The following FAM163A variants were observed in gnomAD, a reference collection of about 807,000 sequenced individuals.
The protein encoded by FAM163A is family with sequence similarity 163 member A.
A neutral mutation model predicts 12.0 loss-of-function variants in FAM163A; 7 were observed. The observed-to-expected ratio is 0.58, with a 90% CI of 0.33 to 1.10. FAM163A has a LOEUF of 1.10. Among genes scored for constraint, FAM163A ranks in the 50% least tolerant of loss-of-function variants. The probability of loss-of-function intolerance (pLI) is 0.03; values close to 1 mark genes in which losing one functional copy is unlikely to be tolerated. For missense variants in FAM163A, 202 were observed against 218.6 expected, an observed-to-expected ratio of 0.92 and a Z score of 0.48; for synonymous variants, 101 against 91.0, an observed-to-expected ratio of 1.11 and a Z score of -0.62.
intron 1 of FAM163A, among the ~76,000 whole-genome samples, chr1:179,785,010 C>A (rs1423852098): frequency 6.6e-6 from 1 of 152,128 alleles, no homozygotes; most frequent in African/African-American, 2.4e-5. Context: ...TGTGGGAGGA[C>A]AAATAAATAT....
the FAM163A span, among the ~76,000 whole-genome samples, chr1:179,732,880 C>CAAAA: frequency 0.19 from 7,502 of 39,118 alleles, 1,602 homozygotes; most frequent in South Asian, 0.28. Context: ...GACTCTGCCT[C>CAAAA]AAAAAAAAAA....
chr1:179,802,944 T>C (rs1231170901), intron 1 of FAM163A, among the ~76,000 whole-genome samples: 1 of 152,160 alleles, frequency 6.6e-6, no homozygotes, highest in African/African-American at 2.4e-5. Flanking sequence ...GAGAGACCCC[T>C]TCTCAAACAG....
At chr1:179,779,873 C>A (rs1211872715) in intron 1 of FAM163A, among the ~76,000 whole-genome samples, 1 of 152,204 alleles carries the variant, frequency 6.6e-6, no homozygotes, top group African/African-American at 2.4e-5. Flanking sequence ...CCTCAGTAAA[C>A]CAAGCCACAG....
intron 1 of FAM163A, among the ~76,000 whole-genome samples, chr1:179,781,304 A>G (rs1392884060): frequency 6.6e-6 from 1 of 152,180 alleles, no homozygotes; most frequent in African/African-American, 2.4e-5. Context: ...TGTGAATCTT[A>G]TATGAATTTT....
the FAM163A span, among the ~76,000 whole-genome samples, chr1:179,735,228 C>A: frequency 2.3e-4 from 35 of 152,092 alleles, no homozygotes; most frequent in Non-Finnish European, 2.9e-5. Flanking sequence ...TCCTGAAGGG[C>A]AAGCTAAAGA....
At chr1:179,749,689 C>T (rs1196737615) in intron 1 of FAM163A, among the ~76,000 whole-genome samples, 1 of 122,264 alleles carries the variant, frequency 8.2e-6, no homozygotes, top group Admixed American at 8.6e-5. Flanking sequence ...GAAACCCCAC[C>T]TCTACTAAAT....
At chr1:179,787,442 C>T (rs1021689131) in intron 1 of FAM163A, among the ~76,000 whole-genome samples, 1 of 152,206 alleles carries the variant, frequency 6.6e-6, no homozygotes, top group Non-Finnish European at 1.5e-5. Flanking sequence ...CGAAGGTTCC[C>T]TCGCGCACAG....
At chr1:179,758,616 C>T (rs1470979134) in intron 1 of FAM163A, among the ~76,000 whole-genome samples, 1 of 152,244 alleles carries the variant, frequency 6.6e-6, no homozygotes, top group Non-Finnish European at 1.5e-5. Flanking sequence ...CCATTTCCTT[C>T]TTCCACTCCC....
intron 1 of FAM163A, among the ~76,000 whole-genome samples, chr1:179,791,525 AG>A (rs34556564): frequency 0.025 from 3,745 of 152,246 alleles, 91 homozygotes; most frequent in East Asian, 0.079. Context: ...GAGGCTCCTA[AG>A]GGGTACAGTC....
chr1:179,802,562 CTG>C (rs1439818376), intron 1 of FAM163A, among the ~76,000 whole-genome samples: 1 of 152,158 alleles, frequency 6.6e-6, no homozygotes, highest in Non-Finnish European at 1.5e-5. Flanking sequence ...CACCTTATGG[CTG>C]TGTTAAGAAA....
the FAM163A span, among the ~76,000 whole-genome samples, chr1:179,737,707 C>T: frequency 1.9e-3 from 296 of 152,018 alleles, 2 homozygotes; most frequent in Non-Finnish European, 3.4e-3. Flanking sequence ...TGGTGGCAGG[C>T]GCCTGTAGTC....
intron 1 of FAM163A, among the ~76,000 whole-genome samples, chr1:179,761,921 CT>C (rs1686874357): frequency 1.3e-5 from 2 of 152,060 alleles, no homozygotes; most frequent in African/African-American, 4.8e-5. Context: ...CATTTTAGAG[CT>C]GTTGAAACGG....
At chr1:179,784,588 C>T (rs528337099) in intron 1 of FAM163A, among the ~76,000 whole-genome samples, 1 of 152,302 alleles carries the variant, frequency 6.6e-6, no homozygotes, top group East Asian at 1.9e-4. Flanking sequence ...ACATACACAA[C>T]AGACCCAGAG....
At chr1:179,801,662 A>C (rs140871356) in intron 1 of FAM163A, among the ~76,000 whole-genome samples, 252 of 152,302 alleles carry the variant, frequency 1.7e-3, no homozygotes, top group African/African-American at 5.8e-3. Context: ...TAAGTGCAGA[A>C]AATAGGGTTT....
At chr1:179,742,879 G>A (rs2147930100), upstream of FAM163A, among the ~76,000 whole-genome samples, 1 of 152,272 alleles carries the variant, frequency 6.6e-6, no homozygotes, top group Admixed American at 6.5e-5. Context: ...GATTTCCAGG[G>A]CACAGTGCGG....
intron 1 of FAM163A, among the ~76,000 whole-genome samples, chr1:179,778,244 C>T (rs116077074): frequency 2.0e-5 from 3 of 152,106 alleles, no homozygotes; most frequent in Non-Finnish European, 2.9e-5. Context: ...GGTAAGATCA[C>T]GAGGAGGCCA....
At chr1:179,740,450 T>C (rs968799002), upstream of FAM163A, among the ~76,000 whole-genome samples, 1 of 152,082 alleles carries the variant, frequency 6.6e-6, no homozygotes, top group Non-Finnish European at 1.5e-5. Context: ...TAATTTGTAA[T>C]ACCCCTGAAA....
At chr1:179,753,686 T>C (rs114440787) in intron 1 of FAM163A, among the ~76,000 whole-genome samples, 82 of 152,190 alleles carry the variant, frequency 5.4e-4, no homozygotes, top group African/African-American at 2.0e-3. Flanking sequence ...GGCAAGAATG[T>C]TACCATCTGA....
intron 1 of FAM163A, among the ~76,000 whole-genome samples, chr1:179,791,062 T>C (rs192488747): frequency 7.3e-4 from 111 of 152,306 alleles, no homozygotes; most frequent in Non-Finnish European, 1.4e-3. Context: ...AAAGCTCCCC[T>C]GAAGCCCAGC....
Sources: gnomAD v4.1 joint callset for allele counts (sites outside exome capture counted in the v4.1 genomes callset) on GRCh38, gnomAD v4.1.1 for gene constraint, MANE v1.5 for transcripts, NCBI Gene and HGNC (gene_info 2026-07-23, HGNC 2026-07-21) for gene names.